Variants in RTEL1 observed in about 807,000 individuals in gnomAD.
RTEL1 encodes the protein regulator of telomere elongation helicase 1.
A neutral mutation model predicts 162.2 loss-of-function variants in RTEL1; 86 were observed. The ratio of observed to expected loss-of-function variants is 0.53; its 90% CI spans 0.45 to 0.63. The LOEUF is 0.63. RTEL1 is among the 30% of genes least tolerant of loss of function. The pLI, the probability that RTEL1 is intolerant of heterozygous loss-of-function variation, is 0.00. For synonymous variants in RTEL1, 958 were observed against 717.9 expected (o/e 1.33, Z -5.35); for missense variants, 1,941 against 1,750.2 (o/e 1.11, Z -1.95).
chr20:63,690,783 G>A (rs373066913), intron 26 of RTEL1, 22 bp from the exon 27 acceptor site: 12 of 1,589,122 alleles, frequency 7.6e-6, no homozygotes, highest in Admixed American at 1.8e-5. Context: ...GGGCTTCACT[G>A]CGCACTCGGG....
intron 12 of RTEL1, among the ~76,000 whole-genome samples, chr20:63,679,564 C>G (rs2090439845): frequency 6.6e-6 from 1 of 152,170 alleles, no homozygotes; most frequent in African/African-American, 2.4e-5. Flanking sequence ...CTCCTCTCCC[C>G]ACCTGGAGGC....
chr20:63,694,473 A>G lies in RTEL1; in HGVS notation c.3094A>G (p.Arg1032Gly). 6.2e-7 allele frequency: 1 copy of G among 1,600,012 alleles called. No individual in the cohort carries two copies. Among genetic ancestry groups the G allele is most frequent in the Non-Finnish European group, 8.5e-7 (1 of 1,169,806 alleles). The change falls in exon 31 of 35, where the codon AGG (arginine) becomes GGG (glycine). Residue 1032 changes from arginine to glycine, a missense_variant. By Grantham distance (125) the Arg-to-Gly change is moderately radical (BLOSUM62 -2). Transcript: ENST00000360203. ...LNQGRPHLSP[R>G]PPPTGDPGSQ... is the part of the protein sequence containing the mutation. ...CCAGGGCAGGCCCCACCTGTCGCCC[A>G]GGCCACCCCCAACAGGTAGCTGACT...
intron 24 of RTEL1, 77 bp downstream of exon 24, chr20:63,689,942 C>T (rs1568711629): frequency 1.3e-6 from 2 of 1,554,870 alleles, no homozygotes; most frequent in Non-Finnish European, 1.7e-6. Context: ...TCTCCTTCCC[C>T]ACATGAGGCC....
intron 31 of RTEL1, 123 bp downstream of exon 31, chr20:63,694,611 C>T: frequency 8.3e-7 from 1 of 1,209,564 alleles, no homozygotes; most frequent in Non-Finnish European, 1.2e-6. Flanking sequence ...GTGGGGACTG[C>T]TCCCGGTTCT....
chr20:63,683,543 C>T (rs925580523), intron 14 of RTEL1, among the ~76,000 whole-genome samples: 9 of 152,238 alleles, frequency 5.9e-5, no homozygotes, highest in African/African-American at 1.2e-4. Context: ...CACAAATCCA[C>T]GCATGTTGCC....
chr20:63,662,366 C>G, intron 4 of RTEL1, 180 bp from the exon 5 acceptor site: 1 of 1,277,794 alleles, frequency 7.8e-7, no homozygotes, highest in Non-Finnish European at 1.1e-6. Context: ...AATCTCCTCC[C>G]TCTGTCCAGT....
At chr20:63,670,738 C>T (rs1046693301) in intron 8 of RTEL1, among the ~76,000 whole-genome samples, 2 of 151,274 alleles carry the variant, frequency 1.3e-5, no homozygotes, top group African/African-American at 4.9e-5. Context: ...AATCCCAGAA[C>T]TTTAGGGGCC....
Position 63,695,678 on chromosome 20 carries a change from C to T in RTEL1, c.3822+28C>T, listed in dbSNP as rs757050962. The T allele has an allele frequency of 4.3e-6, 7 of 1,610,326 alleles. No homozygotes were observed. The Admixed American group carries it at 5.0e-5, about 12-fold the overall frequency. On this transcript the variant is annotated intron_variant, in intron 34 of 34. Coordinates refer to ENST00000360203, the MANE Select transcript of RTEL1 (RefSeq NM_001283009.2). ...TGGTGCCTGGCCACTACAGTTCCTG[C>T]TGGGTGTAGCCCCAGGTGATGGGCT... is the stretch of plus-strand genomic sequence containing the variant.
Position 63,687,979 on chromosome 20 carries a change from G to A in RTEL1, c.1524G>A (p.Lys508=), listed in dbSNP as rs2090635182. The A allele has an allele frequency of 6.2e-7, 1 of 1,612,698 alleles. No individual in the cohort carries two copies. The highest frequency in any genetic ancestry group is 8.5e-7 in the Non-Finnish European group (1 of 1,180,004). ...TGGAGAACCCACACATCATCGACAA[G>A]CACCAGATCTGGGTGGGGGTCGTCC... ...VCLENPHIID[K]HQIWVGVVPR... is the part of the protein sequence containing the mutation. Residue 508 remains lysine (K), a synonymous_variant, in exon 18 of 35, where the codon AAG becomes AAA. Transcript: ENST00000360203.
chr20:63,693,456 T>A (rs77223947), intron 30 of RTEL1, among the ~76,000 whole-genome samples, 173 bp downstream of exon 30: 286 of 21,010 alleles, frequency 0.014, 15 homozygotes, highest in Admixed American at 0.045. Context: ...CAGCACCACC[T>A]CCACCTCCAC....
intron 26 of RTEL1, 28 bp downstream of exon 26, chr20:63,690,469 G>C (rs2090709324): frequency 6.7e-7 from 1 of 1,492,060 alleles, no homozygotes; most frequent in South Asian, 1.3e-5. Context: ...TGGGTGGGCG[G>C]TGTGGGGGTG....
intron 30 of RTEL1, 98 bp downstream of exon 30, chr20:63,693,381 T>G: frequency 6.9e-7 from 1 of 1,454,306 alleles, no homozygotes; most frequent in Non-Finnish European, 9.4e-7. Flanking sequence ...CGGGCCCTGC[T>G]TGGCCCCGCC....
At chr20:63,692,451 C>T in intron 28 of RTEL1, 1 of 358,750 alleles carries the variant, frequency 2.8e-6, no homozygotes. Flanking sequence ...TTGTGCGCTG[C>T]CATCCTGGGA....
chr20:63,675,436 G>A (rs1280624834), intron 10 of RTEL1, among the ~76,000 whole-genome samples: 1 of 151,130 alleles, frequency 6.6e-6, no homozygotes, highest in African/African-American at 2.4e-5. Flanking sequence ...TTGGTAGAGA[G>A]TGAGTTTGCA....
At chr20:63,690,490 C>CGGGGG in intron 26 of RTEL1, 49 bp downstream of exon 26, 1 of 534,860 alleles carries the variant, frequency 1.9e-6, no homozygotes, top group Non-Finnish European at 3.2e-6. Flanking sequence ...GCGGAGCGGG[C>CGGGGG]GGCGTGGGGC....
At position 63,676,735 on chromosome 20, in the gene RTEL1, C is replaced by T. The variant is rs1185765890; in HGVS notation, c.920-1410C>T. 3.9e-5 allele frequency among the ~76,000 whole-genome samples: 6 copies of T among 152,278 alleles called. No homozygotes were observed. The East Asian group carries it at 9.7e-4, about 25-fold the overall frequency. On this transcript the variant is annotated intron_variant, in intron 10 of 34. Transcript: ENST00000360203. Reference sequence around the variant, plus strand: ...CGGATCACGAGGTCAGAGATTGAGACCATCCTGGCCAACACGGTGAAACCC... The same window carrying T: ...CGGATCACGAGGTCAGAGATTGAGATCATCCTGGCCAACACGGTGAAACCC...
At chr20:63,676,750 C>T (rs1049464617) in intron 10 of RTEL1, among the ~76,000 whole-genome samples, 37 of 152,234 alleles carry the variant, frequency 2.4e-4, no homozygotes, top group Admixed American at 1.3e-3. Flanking sequence ...CTGGCCAACA[C>T]GGTGAAACCC....
In RTEL1 at chr20:63,678,279, C is replaced by T. The variant is rs771452777; in HGVS notation, c.970C>T (p.Arg324Cys). The change falls in exon 12 of 35, where the codon CGC becomes TGC. Residue 324 changes from arginine to cysteine, a missense_variant. Transcript: ENST00000360203. Reference sequence around the variant, plus strand: ...TCCTCGACCCACAGTGATCCTGCTGCGCCTGGAGGGGGCCATCGATGCTGT... The same window carrying T: ...TCCTCGACCCACAGTGATCCTGCTGTGCCTGGAGGGGGCCATCGATGCTGT... ...DIAKLKMILLRLEGAIDAVEL... is the reference protein window; with the variant it reads ...DIAKLKMILLCLEGAIDAVEL... 11 of 1,612,134 alleles carry T rather than the reference C, an allele frequency of 6.8e-6. No individual in the cohort carries two copies. The highest frequency in any genetic ancestry group is 6.7e-5 in the African/African-American group (5 of 74,854).
At chr20:63,684,613 G>T (rs1403390392) in intron 14 of RTEL1, among the ~76,000 whole-genome samples, 1 of 152,136 alleles carries the variant, frequency 6.6e-6, no homozygotes, top group African/African-American at 2.4e-5. Context: ...AAAGTGCTGG[G>T]ATTACAGGCA....
Sources: allele counts gnomAD v4.1 joint callset (sites outside exome capture counted in the v4.1 genomes callset), GRCh38; gene constraint gnomAD v4.1.1; transcripts MANE v1.5; gene names NCBI Gene and HGNC (gene_info 2026-07-23, HGNC 2026-07-21).